PPP3CB: variants seen among roughly 807,000 people sequenced by gnomAD.
The protein encoded by PPP3CB is protein phosphatase 3 catalytic subunit beta.
Under a neutral mutation model 66.4 loss-of-function variants are expected in PPP3CB, and 8 were observed. That is an observed-to-expected ratio of 0.12 (90% CI 0.07 to 0.22). The LOEUF is 0.22. PPP3CB is among the 10% of genes least tolerant of loss of function. The probability of loss-of-function intolerance (pLI) is 1.00; values close to 1 mark genes in which losing one functional copy is unlikely to be tolerated. For synonymous variants in PPP3CB, 208 were observed against 221.2 expected, an observed-to-expected ratio of 0.94 and a Z score of 0.53; for missense variants, 319 against 642.5, an observed-to-expected ratio of 0.50 and a Z score of 5.44.
At chr10:73,487,197 T>C (rs558093102) in intron 1 of PPP3CB, among the ~76,000 whole-genome samples, 109 of 151,596 alleles carry the variant, frequency 7.2e-4, no homozygotes, top group African/African-American at 2.4e-3. Flanking sequence ...TAGGCTCAAG[T>C]TTCTGGCCCA....
intron 1 of PPP3CB, among the ~76,000 whole-genome samples, chr10:73,483,746 G>A (rs1041652361): frequency 1.3e-5 from 2 of 152,106 alleles, no homozygotes; most frequent in African/African-American, 2.4e-5. Flanking sequence ...AGTGGAGAAC[G>A]GAGCTTCAGC....
intron 1 of PPP3CB, among the ~76,000 whole-genome samples, chr10:73,488,461 G>A (rs148993178): frequency 3.3e-5 from 5 of 151,154 alleles, no homozygotes; most frequent in East Asian, 2.0e-4. Flanking sequence ...TTGGGGGATC[G>A]CTTGAGCCCA....
intron 13 of PPP3CB, 83 bp downstream of exon 13, chr10:73,439,789 G>C (rs753994733): frequency 3.1e-5 from 46 of 1,462,448 alleles, no homozygotes; most frequent in African/African-American, 4.2e-5. Context: ...TAAAAGCTAG[G>C]AGTAAAACAC....
At chr10:73,464,012 C>T (rs542443604) in intron 9 of PPP3CB, among the ~76,000 whole-genome samples, 4 of 152,180 alleles carry the variant, frequency 2.6e-5, no homozygotes, top group Non-Finnish European at 5.9e-5. Context: ...CTCACTGCAA[C>T]CTCCACCTCC....
At chr10:73,489,917 T>C (rs1338540674) in intron 1 of PPP3CB, among the ~76,000 whole-genome samples, 1 of 152,160 alleles carries the variant, frequency 6.6e-6, no homozygotes, top group African/African-American at 2.4e-5. Context: ...CTCGAAACAT[T>C]ATCCTCTCAG....
At chr10:73,460,723 T>C (rs2056506912) in intron 9 of PPP3CB, among the ~76,000 whole-genome samples, 1 of 152,218 alleles carries the variant, frequency 6.6e-6, no homozygotes, top group African/African-American at 2.4e-5. Flanking sequence ...AGAATAGTTT[T>C]GGGGGTCAGG....
intron 1 of PPP3CB, among the ~76,000 whole-genome samples, chr10:73,485,537 T>C (rs2056957195): frequency 6.6e-6 from 1 of 152,160 alleles, no homozygotes; most frequent in African/African-American, 2.4e-5. Context: ...GGTCAGTTAA[T>C]CTCATCATGC....
At position 73,438,293 on chromosome 10, in the gene PPP3CB, G is replaced by A; in HGVS notation, c.1524C>T (p.Asn508=). 1 of 1,614,138 alleles carries A rather than the reference G, an allele frequency of 6.2e-7. No individual in the cohort carries two copies. The change falls in exon 14 of 14, where the codon AAC becomes AAT. Residue 508 remains asparagine, a synonymous_variant. Coordinates refer to ENST00000360663, the MANE Select transcript of PPP3CB (RefSeq NM_021132.4). ...AVQQDGFNSL[N]TAHATENHGT... ...CGTGGTTCTCAGTGGCATGTGCGGT[G>A]TTCAGAGAATTGAAACCATCTTGCT...
intron 1 of PPP3CB, among the ~76,000 whole-genome samples, chr10:73,479,983 G>A (rs1005960429): frequency 2.0e-5 from 3 of 151,858 alleles, no homozygotes; most frequent in Admixed American, 6.6e-5. Flanking sequence ...GCAACACAGC[G>A]AGACACCATC....
chr10:73,447,125 A>G (rs1198437820), intron 10 of PPP3CB, among the ~76,000 whole-genome samples: 2 of 152,230 alleles, frequency 1.3e-5, no homozygotes, highest in Non-Finnish European at 2.9e-5. Context: ...CTGTGCAGGT[A>G]ATCCTGAACT....
chr10:73,462,140 CTTTTTTTTT>C (rs1019088638), intron 9 of PPP3CB, among the ~76,000 whole-genome samples: 12 of 94,218 alleles, frequency 1.3e-4, no homozygotes, highest in South Asian at 3.5e-4. Flanking sequence ...TAAACTCCTT[CTTTTTTTTT>C]TTTTTTTTTT....
chr10:73,459,028 C>T (rs2056477320), intron 9 of PPP3CB, among the ~76,000 whole-genome samples: 1 of 151,972 alleles, frequency 6.6e-6, no homozygotes, highest in Non-Finnish European at 1.5e-5. Flanking sequence ...CGAGATCGCA[C>T]CATTGCACCC....
Position 73,495,957 on chromosome 10 carries a change from G to A in PPP3CB, c.-68C>T, listed in dbSNP as rs998691230. On this transcript the variant is annotated 5_prime_UTR_variant, in exon 1 of 14. Coordinates refer to ENST00000360663, the MANE Select transcript of PPP3CB (RefSeq NM_021132.4). ...GGGGGCGGGGGCGGCGGCTACCAGA[G>A]CCAAGCGGCGGCGCCGCCGGGGAAC... 47 of 1,025,108 alleles carry A rather than the reference G, an allele frequency of 4.6e-5. 1 individual carries two copies. The African/African-American group carries it at 6.3e-4, about 14-fold the overall frequency. The allele number at this position is 1,025,108 out of a possible 1,614,324, so 63.5% of individuals were successfully genotyped here.
At chr10:73,457,320 C>CT (rs2056444833) in intron 9 of PPP3CB, among the ~76,000 whole-genome samples, 1 of 143,084 alleles carries the variant, frequency 7.0e-6, no homozygotes, top group Non-Finnish European at 1.5e-5. Context: ...GCCTGTAGTC[C>CT]TACCTACTTG....
intron 10 of PPP3CB, among the ~76,000 whole-genome samples, chr10:73,450,225 C>T (rs1196201839): frequency 6.6e-6 from 1 of 152,188 alleles, no homozygotes; most frequent in East Asian, 1.9e-4. Context: ...ATCAAGTTTT[C>T]TTTCTAAAGT....
rs774360244 is a variant in PPP3CB, at chr10:73,441,926, C to G, written c.1367-2025G>C. On this transcript the variant is annotated intron_variant, in intron 12 of 13. Coordinates refer to ENST00000360663, the MANE Select transcript of PPP3CB (RefSeq NM_021132.4). ...ATTTTTATTTTCTGACAAATAGGCA[C>G]GAGGTCTTAGAATTAAAATTTTTTC... Among the ~76,000 whole-genome samples the G allele has an allele frequency of 2.0e-5, 3 of 152,216 alleles. No individual in the cohort carries two copies. In the South Asian group the frequency reaches 6.2e-4, roughly 32 times the overall value.
intron 1 of PPP3CB, among the ~76,000 whole-genome samples, chr10:73,481,756 G>A (rs2056883183): frequency 6.6e-6 from 1 of 151,154 alleles, no homozygotes; most frequent in African/African-American, 2.4e-5. Flanking sequence ...AAGAACTAAG[G>A]CAGAGAGATG....
intron 9 of PPP3CB, among the ~76,000 whole-genome samples, chr10:73,462,799 A>C (rs919971465): frequency 6.6e-6 from 1 of 151,768 alleles, no homozygotes; most frequent in Non-Finnish European, 1.5e-5. Context: ...CAAACACAAA[A>C]ATTAGCTAGG....
chr10:73,460,265 C>CAAAAAA (rs11447229), intron 9 of PPP3CB, among the ~76,000 whole-genome samples: 29 of 35,754 alleles, frequency 8.1e-4, no homozygotes, highest in Admixed American at 1.3e-3. Context: ...AAAGTAATAG[C>CAAAAAA]AAAAAAAAAA....
Sources: gnomAD v4.1 joint callset for allele counts (sites outside exome capture counted in the v4.1 genomes callset) on GRCh38, gnomAD v4.1.1 for gene constraint, MANE v1.5 for transcripts, NCBI Gene and HGNC (gene_info 2026-07-23, HGNC 2026-07-21) for gene names.